Variants in GIT2 observed in about 807,000 individuals in gnomAD.
GIT2 encodes ARF GTPase-activating protein GIT2.
A neutral mutation model predicts 100.3 loss-of-function variants in GIT2; 32 were observed. That is an observed-to-expected ratio of 0.32 (90% CI 0.24 to 0.43). GIT2 has a LOEUF of 0.43. GIT2 is among the 20% of genes least tolerant of loss of function. The probability of loss-of-function intolerance (pLI) is 1.00; values close to 1 mark genes in which losing one functional copy is unlikely to be tolerated. For missense variants in GIT2, 737 were observed against 975.1 expected (o/e 0.76, Z 3.25); for synonymous variants, 353 against 364.1 (o/e 0.97, Z 0.35).
rs1873644847 is a variant in GIT2 at position 109,938,378 on chromosome 12, A to G, written c.2003+2T>C. 1 of 1,609,440 alleles carries G rather than the reference A, an allele frequency of 6.2e-7. No homozygotes were observed. Among genetic ancestry groups the G allele is most frequent in the Admixed American group, 1.7e-5 (1 of 59,630 alleles). ...CAAAGCAGGGTCTTCAATCCTGCTTACCTGTCATGTTTATTTTCTTGGGCT... is the reference window on the plus strand; with the variant it reads ...CAAAGCAGGGTCTTCAATCCTGCTTGCCTGTCATGTTTATTTTCTTGGGCT... On this transcript the variant is annotated splice_donor_variant, in intron 18 of 19. Transcript: ENST00000355312. LOFTEE classifies it high-confidence loss of function.
Position 109,932,035 on chromosome 12 carries a change from C to T in GIT2, c.*943G>A, listed in dbSNP as rs1285788067. 1 of 152,232 alleles carries T rather than the reference C, an allele frequency of 6.6e-6. No individual in the cohort carries two copies. Among genetic ancestry groups the T allele is most frequent in the African/African-American group, 2.4e-5 (1 of 41,460 alleles). The allele number at this position is 152,232 out of a possible 1,614,324, so 9.4% of individuals were successfully genotyped here. A position where few individuals can be genotyped will look rare whatever the true frequency, so the allele number is the denominator to read the frequency against. On this transcript the variant is annotated 3_prime_UTR_variant, in exon 20 of 20. Coordinates refer to ENST00000355312, the MANE Select transcript of GIT2 (RefSeq NM_057169.5). Reference sequence around the variant, plus strand: ...AGAAAGCTGTAAGTGGTCAGAGAAGCAAGCTGACTTTTGGATGAAGGGTAC... The same window carrying T: ...AGAAAGCTGTAAGTGGTCAGAGAAGTAAGCTGACTTTTGGATGAAGGGTAC...
chr12:109,968,905 G>A (rs753609624), intron 7 of GIT2, among the ~76,000 whole-genome samples: 1 of 151,808 alleles, frequency 6.6e-6, no homozygotes, highest in Non-Finnish European at 1.5e-5. Context: ...TATATTTTTA[G>A]TAGAAACAGG....
At chr12:109,935,798 T>C (rs1230780321) in intron 18 of GIT2, among the ~76,000 whole-genome samples, 1 of 152,206 alleles carries the variant, frequency 6.6e-6, no homozygotes, top group Non-Finnish European at 1.5e-5. Flanking sequence ...TAAGGCCATC[T>C]CTCAAAAGCT....
chr12:109,961,778 C>G lies in GIT2; in HGVS notation c.817-93G>C, dbSNP rs554004490. 30 of 777,000 alleles carry G rather than the reference C, an allele frequency of 3.9e-5. No individual in the cohort carries two copies. The East Asian group carries it at 7.2e-4, about 19-fold the overall frequency. The allele number at this position is 777,000 out of a possible 1,614,324, so 48.1% of individuals were successfully genotyped here. A position where few individuals can be genotyped will look rare whatever the true frequency, so the allele number is the denominator to read the frequency against. On this transcript the variant is annotated intron_variant, in intron 9 of 19. Coordinates refer to ENST00000355312, the MANE Select transcript of GIT2 (RefSeq NM_057169.5). ...GACTTAGTCACCCTTTTATTGCCTA[C>G]GTCTTATCCAATGCCAGTGCTTGGT...
intron 7 of GIT2, among the ~76,000 whole-genome samples, chr12:109,972,428 A>G (rs1176869282): frequency 6.6e-6 from 1 of 151,700 alleles, no homozygotes; most frequent in African/African-American, 2.4e-5. Flanking sequence ...ATGATTACAT[A>G]GTTTTTCGTT....
chr12:109,957,155 G>GT (rs1879717633), intron 12 of GIT2, among the ~76,000 whole-genome samples: 1 of 152,190 alleles, frequency 6.6e-6, no homozygotes, highest in South Asian at 2.1e-4. Context: ...AAAGGGAGGT[G>GT]TTTGGGTCAT....
At chr12:109,978,230 G>A (rs1055814544) in intron 7 of GIT2, among the ~76,000 whole-genome samples, 7 of 151,688 alleles carry the variant, frequency 4.6e-5, no homozygotes, top group Middle Eastern at 3.4e-3. Flanking sequence ...TTACAGGTGC[G>A]CACCAACATG....
At chr12:109,952,061 G>A (rs1592999256) in intron 13 of GIT2, among the ~76,000 whole-genome samples, 1 of 152,182 alleles carries the variant, frequency 6.6e-6, no homozygotes, top group African/African-American at 2.4e-5. Context: ...GAGTGAACCA[G>A]GTGGCTTCCG....
At chr12:109,979,152 C>T (rs991603691) in intron 7 of GIT2, among the ~76,000 whole-genome samples, 2 of 151,922 alleles carry the variant, frequency 1.3e-5, no homozygotes, top group Admixed American at 6.6e-5. Flanking sequence ...CACAGGCTTG[C>T]CTAGGGGCTG....
chr12:109,941,233 A>G (rs1874593744), intron 16 of GIT2, among the ~76,000 whole-genome samples: 1 of 152,210 alleles, frequency 6.6e-6, no homozygotes, highest in Admixed American at 6.6e-5. Flanking sequence ...CATCTGGCAA[A>G]TGATTAAACG....
chr12:109,957,777 T>C (rs1198388296), intron 12 of GIT2, among the ~76,000 whole-genome samples: 3 of 151,888 alleles, frequency 2.0e-5, no homozygotes, highest in South Asian at 2.1e-4. Context: ...AAGTGCAGCA[T>C]GTACTATTTT....
At position 109,947,740 on chromosome 12, in the gene GIT2, T is replaced by C. The variant is rs1876733284; in HGVS notation, c.1393-236A>G. ...AGCTTCATTTCTGAATGTGGAAAAGTTGTGGTTTGGACTTCCTCAAAACAA... is the reference window on the plus strand; with the variant it reads ...AGCTTCATTTCTGAATGTGGAAAAGCTGTGGTTTGGACTTCCTCAAAACAA... On this transcript the variant is annotated intron_variant, in intron 14 of 19. Coordinates refer to ENST00000355312, the MANE Select transcript of GIT2 (RefSeq NM_057169.5). This position sits in a 1 kb window ranked among gnomAD's most constrained non-coding sequence, Gnocchi z 4.3. 7.9e-6 allele frequency: 4 copies of C among 505,786 alleles called. No individual in the cohort carries two copies. The highest frequency in any genetic ancestry group is 1.4e-5 in the Non-Finnish European group (4 of 283,966). The allele number at this position is 505,786 out of a possible 1,614,324, so 31.3% of individuals were successfully genotyped here.
At chr12:109,996,741 T>C (rs996311516), upstream of GIT2, among the ~76,000 whole-genome samples, 1 of 152,248 alleles carries the variant, frequency 6.6e-6, no homozygotes, top group African/African-American at 2.4e-5. Context: ...CTAGTCCTTA[T>C]GAAGCTTGCA....
chr12:109,994,887 A>G (rs1187372712), intron 1 of GIT2, among the ~76,000 whole-genome samples: 2 of 152,234 alleles, frequency 1.3e-5, no homozygotes, highest in Admixed American at 6.5e-5. Flanking sequence ...CTTGGTTTAG[A>G]AAACACTTCT....
At chr12:109,985,425 G>A (rs893394968) in intron 4 of GIT2, among the ~76,000 whole-genome samples, 1 of 152,074 alleles carries the variant, frequency 6.6e-6, no homozygotes, top group East Asian at 1.9e-4. Context: ...AAAAAGGGGG[G>A]GGAAAAAAGG....
At chr12:109,946,109 G>A (rs1459375652) in intron 15 of GIT2, among the ~76,000 whole-genome samples, 3 of 152,210 alleles carry the variant, frequency 2.0e-5, no homozygotes, top group South Asian at 4.2e-4. Flanking sequence ...ACTCCAGCCT[G>A]GGTGACAGAG....
chr12:109,946,158 T>C (rs899863290), intron 15 of GIT2, among the ~76,000 whole-genome samples: 1 of 152,066 alleles, frequency 6.6e-6, no homozygotes, highest in South Asian at 2.1e-4. Context: ...CTTAACTTAG[T>C]TCAGTGGCAT....
In GIT2 at chr12:109,984,695, C is replaced by G. The variant is rs182639916; in HGVS notation, c.406-1001G>C. On this transcript the variant is annotated intron_variant, in intron 4 of 19. Transcript: ENST00000355312. ...CTTACGAGCTGAAGTGATCCTCCCA[C>G]CTCGGCCTCCCAAAGTGTTGGGATT... Among the ~76,000 whole-genome samples the G allele has an allele frequency of 1.6e-4, 25 of 152,244 alleles. No homozygotes were observed. In the East Asian group the frequency reaches 4.5e-3, roughly 27 times the overall value.
At chr12:109,972,947 A>G (rs1223380252) in intron 7 of GIT2, among the ~76,000 whole-genome samples, 1 of 151,512 alleles carries the variant, frequency 6.6e-6, no homozygotes, top group African/African-American at 2.4e-5. Context: ...CTCAGCCTCC[A>G]GAGTAACTGG....
Sources: gnomAD v4.1 joint callset for allele counts (sites outside exome capture counted in the v4.1 genomes callset) on GRCh38, gnomAD v4.1.1 for gene constraint, Gnocchi (gnomAD v3.1) non-coding constraint, MANE v1.5 for transcripts, NCBI Gene and HGNC (gene_info 2026-07-23, HGNC 2026-07-21) for gene names.